The following SLC39A11 variants were observed in gnomAD, a reference collection of about 807,000 sequenced individuals.
SLC39A11 encodes solute carrier family 39 member 11.
A neutral mutation model predicts 36.1 loss-of-function variants in SLC39A11; 33 were observed. That is an observed-to-expected ratio of 0.91 (90% confidence interval 0.69 to 1.22). The LOEUF is 1.22. Ranked by LOEUF, SLC39A11 falls within the 50% of genes most tolerant of loss-of-function variation. SLC39A11 has a pLI of 0.00. For missense variants in SLC39A11, 432 were observed against 430.3 expected (o/e 1.00, Z -0.03); for synonymous variants, 166 against 170.3 (o/e 0.97, Z 0.20).
At chr17:72,958,466 C>A (rs1424999072) in intron 4 of SLC39A11, among the ~76,000 whole-genome samples, 1 of 152,120 alleles carries the variant, frequency 6.6e-6, no homozygotes, top group East Asian at 1.9e-4. Flanking sequence ...GACAAAGGAC[C>A]AATATCCAGG....
intron 7 of SLC39A11, among the ~76,000 whole-genome samples, chr17:72,719,475 C>T (rs1302732417): frequency 6.6e-6 from 1 of 152,156 alleles, no homozygotes; most frequent in Non-Finnish European, 1.5e-5. Context: ...AAGACCCTGC[C>T]CCCCAGAACT....
intron 3 of SLC39A11, among the ~76,000 whole-genome samples, chr17:73,052,205 A>C (rs2059528133): frequency 1.3e-5 from 2 of 152,058 alleles, no homozygotes; most frequent in Non-Finnish European, 2.9e-5. Context: ...AGCCTCTCAG[A>C]GGGAATCTGG....
chr17:72,947,795 A>G lies in SLC39A11; in HGVS notation c.387T>C (p.Gly129=), dbSNP rs758516573. Residue 129 remains glycine, a synonymous_variant, in exon 5 of 10, where the codon GGT becomes GGC. Coordinates refer to ENST00000255559, the MANE Select transcript of SLC39A11 (RefSeq NM_139177.4). ...TLMKKKSDPE[G]PALLFPESEL... is the part of the protein sequence containing the mutation. Reference sequence around the variant, plus strand: ...CACTCTCAGGGAAGAGCAGCGCGGGACCCTCAGGATCAGACTTCTTCTTCA... The same window carrying G: ...CACTCTCAGGGAAGAGCAGCGCGGGGCCCTCAGGATCAGACTTCTTCTTCA... 5 of 1,614,122 alleles carry G rather than the reference A, an allele frequency of 3.1e-6. 1 individual carries two copies. In the South Asian group the frequency reaches 5.5e-5, roughly 18 times the overall value.
intron 5 of SLC39A11, among the ~76,000 whole-genome samples, chr17:72,914,818 A>C (rs554796709): frequency 1.3e-5 from 2 of 148,730 alleles, no homozygotes; most frequent in East Asian, 3.9e-4. Context: ...CAGTGAGCTG[A>C]GATGGCACCA....
rs1568242944 is a variant in SLC39A11 at position 73,081,670 on chromosome 17, C to CATATATGTATATATGT, written c.147+3137_147+3138insACATATATACATATAT. 4.9e-5 allele frequency among the ~76,000 whole-genome samples: 4 copies of CATATATGTATATATGT among 82,204 alleles called. No individual in the cohort carries two copies. In the Admixed American group the frequency reaches 5.9e-4, roughly 12 times the overall value. 53.9% of individuals were successfully genotyped at this position (82,204 alleles called of 152,430 possible). ...ACACACACACACACACACACACACA[C>CATATATGTATATATGT]ATATATATACACATATATGTATATA... is the stretch of plus-strand genomic sequence containing the variant. On this transcript the variant is annotated intron_variant, in intron 3 of 9. Coordinates refer to ENST00000255559, the MANE Select transcript of SLC39A11 (RefSeq NM_139177.4).
chr17:73,043,506 G>A (rs866489011), intron 3 of SLC39A11, among the ~76,000 whole-genome samples: 12 of 152,268 alleles, frequency 7.9e-5, no homozygotes, highest in South Asian at 4.1e-4. Context: ...AGCCTCACAC[G>A]TGATGCTGCA....
chr17:72,991,128 A>G (rs2089144070), intron 4 of SLC39A11, among the ~76,000 whole-genome samples: 1 of 152,220 alleles, frequency 6.6e-6, no homozygotes, highest in South Asian at 2.1e-4. Flanking sequence ...GTAAACTATT[A>G]CAGAAAGAAT....
intron 6 of SLC39A11, among the ~76,000 whole-genome samples, chr17:72,771,353 C>A (rs1325040174): frequency 1.7e-5 from 1 of 59,250 alleles, no homozygotes; most frequent in African/African-American, 6.7e-5. Context: ...GAGACCCTAT[C>A]TAAAAAAAAA....
chr17:72,912,326 A>G (rs1452893726), intron 5 of SLC39A11, among the ~76,000 whole-genome samples: 1 of 152,086 alleles, frequency 6.6e-6, no homozygotes, highest in African/African-American at 2.4e-5. Flanking sequence ...TTACAACAGA[A>G]GCCACACACA....
intron 1 of SLC39A11, among the ~76,000 whole-genome samples, chr17:73,090,305 C>A (rs1227432326): frequency 6.6e-6 from 1 of 152,172 alleles, no homozygotes; most frequent in Non-Finnish European, 1.5e-5. Context: ...GTGCCAGAAA[C>A]TCTGAGATAA....
chr17:72,983,472 G>A (rs924363240), intron 4 of SLC39A11, among the ~76,000 whole-genome samples: 2 of 152,242 alleles, frequency 1.3e-5, no homozygotes, highest in East Asian at 3.9e-4. Context: ...GTTTGCTTTT[G>A]TTTTTAAATA....
intron 6 of SLC39A11, among the ~76,000 whole-genome samples, chr17:72,770,524 C>T (rs527776071): frequency 8.5e-5 from 13 of 152,292 alleles, no homozygotes; most frequent in East Asian, 3.9e-4. Flanking sequence ...TCTTCCCAGG[C>T]CTCCTTCCTT....
chr17:72,924,164 T>TG (rs1177067298), intron 5 of SLC39A11, among the ~76,000 whole-genome samples: 1 of 123,348 alleles, frequency 8.1e-6, no homozygotes, highest in Non-Finnish European at 1.6e-5. Flanking sequence ...AAAAAAAAAT[T>TG]TTTTTTTTTT....
At chr17:73,067,452 T>A (rs566939805) in intron 3 of SLC39A11, among the ~76,000 whole-genome samples, 4 of 152,338 alleles carry the variant, frequency 2.6e-5, no homozygotes, top group Admixed American at 1.3e-4. Flanking sequence ...GGAGTCTAGA[T>A]CCCTGCTGAC....
chr17:72,792,788 G>A (rs147946344), intron 6 of SLC39A11, among the ~76,000 whole-genome samples: 3 of 152,258 alleles, frequency 2.0e-5, no homozygotes, highest in Non-Finnish European at 2.9e-5. Flanking sequence ...TATGGGGGTT[G>A]CATCTCCTTC....
intron 5 of SLC39A11, among the ~76,000 whole-genome samples, chr17:72,919,265 A>C (rs2083503298): frequency 6.6e-6 from 1 of 152,052 alleles, no homozygotes; most frequent in South Asian, 2.1e-4. Flanking sequence ...GCTGATAATA[A>C]TAATAATAAT....
intron 7 of SLC39A11, among the ~76,000 whole-genome samples, chr17:72,681,971 A>G (rs1351986973): frequency 6.6e-6 from 1 of 152,146 alleles, no homozygotes; most frequent in Non-Finnish European, 1.5e-5. Flanking sequence ...GCGGCAGGCA[A>G]GCGAACGAAG....
chr17:72,784,819 C>T (rs1278101345), intron 6 of SLC39A11, among the ~76,000 whole-genome samples: 1 of 151,850 alleles, frequency 6.6e-6, no homozygotes, highest in Non-Finnish European at 1.5e-5. Context: ...CCTGTAAAGC[C>T]TGCAGAACTG....
intron 4 of SLC39A11, among the ~76,000 whole-genome samples, chr17:72,992,083 G>A (rs995747083): frequency 2.0e-4 from 31 of 152,102 alleles, no homozygotes; most frequent in African/African-American, 6.0e-4. Flanking sequence ...CAGGAGTGGC[G>A]GCTCACACCT....
Sources: allele counts gnomAD v4.1 joint callset (sites outside exome capture counted in the v4.1 genomes callset), GRCh38; gene constraint gnomAD v4.1.1; transcripts MANE v1.5; gene names NCBI Gene and HGNC (gene_info 2026-07-23, HGNC 2026-07-21).